PTPRT: variants seen among roughly 807,000 people sequenced by gnomAD.
PTPRT encodes the protein protein tyrosine phosphatase receptor type T, also known as receptor-type tyrosine-protein phosphatase T.
In PTPRT, 56 loss-of-function variants were observed where a neutral mutation model predicts 176.8. The observed-to-expected ratio is 0.32, with a 90% CI of 0.26 to 0.40. PTPRT has a LOEUF of 0.40. Ranked by LOEUF, PTPRT falls within the 10% of genes least tolerant of loss-of-function variation. The pLI, the probability that PTPRT is intolerant of heterozygous loss-of-function variation, is 1.00. For synonymous variants in PTPRT, 783 were observed against 739.0 expected (o/e 1.06, Z -0.96); for missense variants, 1,540 against 1,908.2 (o/e 0.81, Z 3.60).
intron 1 of PTPRT, among the ~76,000 whole-genome samples, chr20:42,927,477 G>A (rs553537424): frequency 3.6e-4 from 55 of 152,244 alleles, no homozygotes; most frequent in African/African-American, 1.2e-3. Flanking sequence ...CAAGAGAATC[G>A]CTTCTACCTG....
chr20:42,178,624 T>C (rs894560710), intron 16 of PTPRT, among the ~76,000 whole-genome samples: 26 of 152,218 alleles, frequency 1.7e-4, no homozygotes, highest in African/African-American at 5.8e-4. Context: ...TTTCTGCAGA[T>C]AGAAATCTGG....
At chr20:42,248,612 C>A (rs968443321) in intron 14 of PTPRT, 75 bp downstream of exon 14, 9 of 1,553,860 alleles carry the variant, frequency 5.8e-6, no homozygotes, top group African/African-American at 2.7e-5. Flanking sequence ...ATCAACAGAG[C>A]AAAAACCTGG....
chr20:42,699,000 G>A (rs1180472452), intron 6 of PTPRT, among the ~76,000 whole-genome samples: 2 of 152,170 alleles, frequency 1.3e-5, no homozygotes, highest in Non-Finnish European at 2.9e-5. Flanking sequence ...CAACGATGTA[G>A]TAATAATGCC....
At chr20:43,141,803 C>T (rs995168478) in intron 1 of PTPRT, among the ~76,000 whole-genome samples, 5 of 152,172 alleles carry the variant, frequency 3.3e-5, no homozygotes, top group African/African-American at 1.2e-4. Flanking sequence ...ATTCCCAGAA[C>T]AGTTTCTTGA....
chr20:42,923,474 T>G (rs570251573), intron 1 of PTPRT, among the ~76,000 whole-genome samples: 1 of 152,204 alleles, frequency 6.6e-6, no homozygotes, highest in Non-Finnish European at 1.5e-5. Flanking sequence ...TGACAGGAAA[T>G]GTCTGCACAT....
At chr20:42,420,732 T>C (rs2059110653) in intron 9 of PTPRT, among the ~76,000 whole-genome samples, 1 of 152,098 alleles carries the variant, frequency 6.6e-6, no homozygotes, top group Non-Finnish European at 1.5e-5. Context: ...GCCCAATAAA[T>C]TGTTAGTAGT....
intron 28 of PTPRT, among the ~76,000 whole-genome samples, chr20:42,085,074 C>A (rs939806042): frequency 5.3e-5 from 8 of 152,148 alleles, no homozygotes; most frequent in African/African-American, 1.9e-4. Context: ...TCCTGCTCAG[C>A]CTTCAAAACC....
intron 15 of PTPRT, among the ~76,000 whole-genome samples, chr20:42,209,603 G>T (rs1438081397): frequency 6.6e-6 from 1 of 151,980 alleles, no homozygotes; most frequent in African/African-American, 2.4e-5. Flanking sequence ...CCAGGAAGAA[G>T]TTGAATCTCT....
At chr20:42,330,569 G>GC (rs2057952384) in intron 11 of PTPRT, among the ~76,000 whole-genome samples, 1 of 151,960 alleles carries the variant, frequency 6.6e-6, no homozygotes, top group Admixed American at 6.6e-5. Flanking sequence ...ATAACTTTAA[G>GC]CAAGTCTATG....
At chr20:42,621,360 T>C (rs2074192879) in intron 7 of PTPRT, among the ~76,000 whole-genome samples, 1 of 152,162 alleles carries the variant, frequency 6.6e-6, no homozygotes, top group Non-Finnish European at 1.5e-5. Context: ...ATAGCTCTTA[T>C]CTCCAGGTCT....
intron 1 of PTPRT, among the ~76,000 whole-genome samples, chr20:42,989,576 G>A (rs1178244404): frequency 1.3e-5 from 2 of 152,120 alleles, no homozygotes; most frequent in African/African-American, 4.8e-5. Context: ...ACGAGTATTG[G>A]TTTATTATTA....
chr20:42,149,584 C>T (rs190637669), intron 17 of PTPRT, among the ~76,000 whole-genome samples: 40 of 152,036 alleles, frequency 2.6e-4, no homozygotes, highest in Admixed American at 3.9e-4. Flanking sequence ...CCACCACACC[C>T]GGCTAATTTT....
intron 15 of PTPRT, among the ~76,000 whole-genome samples, chr20:42,212,791 CA>C (rs553807103): frequency 6.6e-6 from 1 of 152,010 alleles, no homozygotes; most frequent in Admixed American, 6.6e-5. Flanking sequence ...ATTTTAAATA[CA>C]AAAAAATCCA....
intron 7 of PTPRT, among the ~76,000 whole-genome samples, chr20:42,494,472 CAG>C (rs2071616229): frequency 6.6e-6 from 1 of 152,080 alleles, no homozygotes; most frequent in Non-Finnish European, 1.5e-5. Flanking sequence ...AGAAACCTCT[CAG>C]ATATCAATGA....
chr20:43,000,061 AGGAGGGAGGGAG>A lies in PTPRT; in HGVS notation c.89-114141_89-114130del, dbSNP rs3030231. Among the ~76,000 whole-genome samples, 181 of 81,928 alleles carry A rather than the reference AGGAGGGAGGGAG, an allele frequency of 2.2e-3. 1 individual carries two copies. The highest frequency in any genetic ancestry group is 2.8e-3 in the Admixed American group (18 of 6,458). The allele number at this position is 81,928 out of a possible 152,430, so 53.7% of individuals were successfully genotyped here. On this transcript the variant is annotated intron_variant, in intron 1 of 30. Transcript: ENST00000373187. ...AAGAATGGAGGAAGGGAAGAAGGGAAGGAGGGAGGGAGGGAGGGAGGGAGGGAGGGAGGGAGG... is the reference window on the plus strand; with the variant it reads ...AAGAATGGAGGAAGGGAAGAAGGGAAGGAGGGAGGGAGGGAGGGAGGGAGG...
rs7361360 is a variant in PTPRT, at chr20:42,621,538, T to G, written c.1153+56328A>C. Among the ~76,000 whole-genome samples the G allele has an allele frequency of 8.5e-5, 13 of 152,266 alleles. No homozygotes were observed. In the South Asian group the frequency reaches 2.7e-3, roughly 32 times the overall value. On this transcript the variant is annotated intron_variant, in intron 7 of 30. Coordinates refer to ENST00000373187, the MANE Select transcript of PTPRT (RefSeq NM_007050.6). The stretch of plus-strand genomic sequence containing the variant: ...TCCATTGCCCTCTTAAGGGGCCGCT[T>G]GGCAAGCATACAATGCCATTGACCT...
chr20:43,127,714 A>G (rs2013499656), intron 1 of PTPRT, among the ~76,000 whole-genome samples: 1 of 152,180 alleles, frequency 6.6e-6, no homozygotes, highest in South Asian at 2.1e-4. Context: ...TGAGTCATGG[A>G]CATGTCCTTC....
intron 3 of PTPRT, among the ~76,000 whole-genome samples, chr20:42,781,011 A>C (rs1487193649): frequency 6.6e-6 from 1 of 151,802 alleles, no homozygotes; most frequent in Non-Finnish European, 1.5e-5. Flanking sequence ...CTTTAGCCCC[A>C]CTTTCACCTC....
chr20:42,276,540 TATATATA>T lies in PTPRT; in HGVS notation c.2176+5942_2176+5948del, dbSNP rs1568731789. Among the ~76,000 whole-genome samples the T allele has an allele frequency of 8.2e-4, 45 of 54,710 alleles. 1 individual carries two copies. Among genetic ancestry groups the T allele is most frequent in the Admixed American group, 4.3e-3 (24 of 5,552 alleles). The allele number at this position is 54,710 out of a possible 152,430, so 35.9% of individuals were successfully genotyped here. On this transcript the variant is annotated intron_variant, in intron 13 of 30. Coordinates refer to ENST00000373187, the MANE Select transcript of PTPRT (RefSeq NM_007050.6). Reference sequence around the variant, plus strand: ...ATATATATATATATATATATATATATATATATATATATATATATAATGTTCTTGAATA... The same window carrying T: ...ATATATATATATATATATATATATATTATATATATATAATGTTCTTGAATA...
Sources: allele counts gnomAD v4.1 joint callset (sites outside exome capture counted in the v4.1 genomes callset), GRCh38; gene constraint gnomAD v4.1.1; transcripts MANE v1.5; gene names NCBI Gene and HGNC (gene_info 2026-07-23, HGNC 2026-07-21).